Variants in PLD5 observed in about 807,000 individuals in gnomAD.
PLD5 encodes phospholipase D family member 5.
In PLD5, 36 loss-of-function variants were observed where a neutral mutation model predicts 61.1. The ratio of observed to expected loss-of-function variants is 0.59; its 90% CI spans 0.45 to 0.78. The LOEUF is 0.78. PLD5 is among the 30% of genes least tolerant of loss of function. PLD5 has a pLI of 0.00. For synonymous variants in PLD5, 243 were observed against 242.8 expected (o/e 1.00, Z -0.01); for missense variants, 515 against 644.4 (o/e 0.80, Z 2.17).
At chr1:242,264,220 A>G (rs560064082) in intron 4 of PLD5, among the ~76,000 whole-genome samples, 1 of 152,342 alleles carries the variant, frequency 6.6e-6, no homozygotes, top group South Asian at 2.1e-4. Flanking sequence ...CGTTGATTGT[A>G]TCTGTCAATC....
chr1:242,154,525 C>T (rs1665195814), intron 5 of PLD5, among the ~76,000 whole-genome samples: 1 of 152,072 alleles, frequency 6.6e-6, no homozygotes, highest in African/African-American at 2.4e-5. Flanking sequence ...CCGTCAATAC[C>T]CAGTTTATTA....
At chr1:242,494,593 G>T (rs9919289) in intron 1 of PLD5, among the ~76,000 whole-genome samples, 51,439 of 151,892 alleles carry the variant, frequency 0.34, 9,288 homozygotes, top group East Asian at 0.66. Flanking sequence ...GAGCAGAACC[G>T]GCTGGTGTTT....
intron 2 of PLD5, among the ~76,000 whole-genome samples, chr1:242,300,006 T>C (rs1440739069): frequency 6.6e-6 from 1 of 152,114 alleles, no homozygotes; most frequent in African/African-American, 2.4e-5. Context: ...GAGAAGTAAG[T>C]AGGATGAAAT....
intron 5 of PLD5, among the ~76,000 whole-genome samples, chr1:242,205,317 G>T (rs1444723731): frequency 2.0e-5 from 3 of 152,128 alleles, no homozygotes; most frequent in Non-Finnish European, 1.5e-5. Flanking sequence ...CAATAAAATG[G>T]TTTTGGGAGA....
intron 2 of PLD5, among the ~76,000 whole-genome samples, chr1:242,303,072 A>G (rs2149163387): frequency 6.6e-6 from 1 of 152,318 alleles, no homozygotes; most frequent in African/African-American, 2.4e-5. Flanking sequence ...ACACACCAGA[A>G]TCTGTGATGA....
intron 5 of PLD5, among the ~76,000 whole-genome samples, chr1:242,176,443 G>T (rs1375418953): frequency 6.6e-6 from 1 of 152,114 alleles, no homozygotes; most frequent in Non-Finnish European, 1.5e-5. Context: ...ACTCAAGATG[G>T]ATTAAAGACT....
At chr1:242,244,498 T>A (rs1672247352) in intron 4 of PLD5, among the ~76,000 whole-genome samples, 1 of 152,204 alleles carries the variant, frequency 6.6e-6, no homozygotes, top group South Asian at 2.1e-4. Context: ...AAAAACAGAT[T>A]CACATTCACT....
At chr1:242,300,251 C>G (rs1675946827) in intron 2 of PLD5, among the ~76,000 whole-genome samples, 1 of 151,912 alleles carries the variant, frequency 6.6e-6, no homozygotes, top group African/African-American at 2.4e-5. Flanking sequence ...CCAGCCTGGT[C>G]AACATGGTGA....
intron 1 of PLD5, among the ~76,000 whole-genome samples, chr1:242,417,293 G>A (rs1664882609): frequency 6.6e-6 from 1 of 152,130 alleles, no homozygotes; most frequent in South Asian, 2.1e-4. Context: ...CCAAATTGAG[G>A]ACTAGTTAAA....
At chr1:242,094,028 T>C (rs1234607365) in intron 9 of PLD5, among the ~76,000 whole-genome samples, 1 of 152,154 alleles carries the variant, frequency 6.6e-6, no homozygotes, top group Non-Finnish European at 1.5e-5. Context: ...TTTGTGATCA[T>C]GCTCTTCTAC....
At chr1:242,456,209 C>T (rs1666939826) in intron 1 of PLD5, among the ~76,000 whole-genome samples, 4 of 152,198 alleles carry the variant, frequency 2.6e-5, no homozygotes, top group Admixed American at 2.6e-4. Context: ...TGGTTCCATT[C>T]AGTGACTCTG....
rs944056512 is a variant in PLD5 at position 242,088,860 on chromosome 1, C to G, written c.*994G>C. ...ATAGCAGAAGGTATATTAAATAGCT[C>G]TAGAAACGTTTGCTGGCATACTCTT... is the stretch of plus-strand genomic sequence containing the variant. On this transcript the variant is annotated 3_prime_UTR_variant, in exon 10 of 10. Transcript: ENST00000536534. 2 of 153,606 alleles carry G rather than the reference C, an allele frequency of 1.3e-5. No individual in the cohort carries two copies. Among genetic ancestry groups the G allele is most frequent in the Non-Finnish European group, 2.9e-5 (2 of 69,064 alleles). The allele number at this position is 153,606 out of a possible 1,614,324, so 9.5% of individuals were successfully genotyped here.
Position 242,508,606 on chromosome 1 carries a change from T to C in PLD5, c.189+15482A>G, listed in dbSNP as rs146471979. 4.6e-5 allele frequency among the ~76,000 whole-genome samples: 7 copies of C among 152,312 alleles called. No individual in the cohort carries two copies. In the East Asian group the frequency reaches 1.4e-3, roughly 29 times the overall value. ...CCAGTAGCTCATCTCTGTCTGCAAA[T>C]CTTTTTGCCTGAATATGTTTTCCTC... On this transcript the variant is annotated intron_variant, in intron 1 of 9. Coordinates refer to ENST00000536534, the MANE Select transcript of PLD5 (RefSeq NM_001372062.1).
chr1:242,394,980 T>TATATATGTATATATGA (rs1363399725), intron 1 of PLD5, among the ~76,000 whole-genome samples: 2 of 108,030 alleles, frequency 1.9e-5, no homozygotes, highest in East Asian at 2.3e-4. Flanking sequence ...TATATATGAA[T>TATATATGTATATATGA]ATATATGAAT....
At chr1:242,197,728 G>A (rs910356122) in intron 5 of PLD5, among the ~76,000 whole-genome samples, 49 of 151,200 alleles carry the variant, frequency 3.2e-4, no homozygotes, top group Admixed American at 6.6e-5. Flanking sequence ...TCCGCCTCTC[G>A]GGTTCAAGCA....
rs1159216098 is a variant in PLD5 at position 242,394,651 on chromosome 1, T to C, written c.190-46409A>G. Among the ~76,000 whole-genome samples the C allele has an allele frequency of 1.6e-4, 6 of 38,212 alleles. 2 individuals are homozygous for C. Among genetic ancestry groups the C allele is most frequent in the Non-Finnish European group, 2.6e-4 (6 of 23,448 alleles). The allele number at this position is 38,212 out of a possible 152,430, so 25.1% of individuals were successfully genotyped here. On this transcript the variant is annotated intron_variant, in intron 1 of 9. Transcript: ENST00000536534. Reference sequence around the variant, plus strand: ...ATATGTGAACATATATATGTGTATATATGTGAACATATATATGTGTATATA... The same window carrying C: ...ATATGTGAACATATATATGTGTATACATGTGAACATATATATGTGTATATA...
chr1:242,287,487 T>C (rs1427082038), intron 3 of PLD5, among the ~76,000 whole-genome samples: 1 of 152,200 alleles, frequency 6.6e-6, no homozygotes, highest in Non-Finnish European at 1.5e-5. Flanking sequence ...TTGTTTTTTG[T>C]TTTTATTTTC....
At chr1:242,439,224 G>A in intron 1 of PLD5, among the ~76,000 whole-genome samples, 1 of 152,196 alleles carries the variant, frequency 6.6e-6, no homozygotes, top group East Asian at 1.9e-4. Context: ...TAGAGTCCAA[G>A]TCAATTGCAT....
chr1:242,491,176 C>A (rs1046521922), intron 1 of PLD5, among the ~76,000 whole-genome samples: 1 of 152,188 alleles, frequency 6.6e-6, no homozygotes, highest in Non-Finnish European at 1.5e-5. Flanking sequence ...ATTCTGAGTT[C>A]AGTATACTTA....
Sources: allele counts gnomAD v4.1 joint callset (sites outside exome capture counted in the v4.1 genomes callset), GRCh38; gene constraint gnomAD v4.1.1; transcripts MANE v1.5; gene names NCBI Gene and HGNC (gene_info 2026-07-23, HGNC 2026-07-21).